SPRY1: variants seen among roughly 807,000 people sequenced by gnomAD.
The protein encoded by SPRY1 is protein sprouty homolog 1.
A neutral mutation model predicts 22.6 loss-of-function variants in SPRY1; 20 were observed. That is an observed-to-expected ratio of 0.89 (90% CI 0.62 to 1.29). SPRY1 has a LOEUF of 1.29. Among genes scored for constraint, SPRY1 ranks in the 50% most tolerant of loss-of-function variants. SPRY1 has a pLI of 0.00. For synonymous variants in SPRY1, 155 were observed against 144.7 expected, an observed-to-expected ratio of 1.07 and a Z score of -0.51; for missense variants, 446 against 387.7, an observed-to-expected ratio of 1.15 and a Z score of -1.26.
In SPRY1 at chr4:123,397,688, G is replaced by C. The variant is rs912509552; in HGVS notation, c.-224G>C. ...GGGAGAGGCTGACCTGCCGGGACCG[G>C]AGTGCCCGGGGACGCTGTGCCCCCA... On this transcript the variant is annotated 5_prime_UTR_variant, in exon 2 of 3. Coordinates refer to ENST00000651917, the MANE Select transcript of SPRY1 (RefSeq NM_001258038.2). The C allele has an allele frequency of 2.0e-5, 3 of 152,130 alleles. No individual in the cohort carries two copies. The highest frequency in any genetic ancestry group is 4.4e-5 in the Non-Finnish European group (3 of 68,066). 9.4% of individuals were successfully genotyped at this position (152,130 alleles called of 1,614,324 possible). A position where few individuals can be genotyped will look rare whatever the true frequency, so the allele number is the denominator to read the frequency against.
Position 123,402,147 on chromosome 4 carries a change from A to T in SPRY1, c.556A>T (p.Lys186Ter). 1 of 1,614,182 alleles carries T rather than the reference A, an allele frequency of 6.2e-7. No individual in the cohort carries two copies. The highest frequency in any genetic ancestry group is 8.5e-7 in the Non-Finnish European group (1 of 1,180,028). ...QHKFICEQCG[K>*]CKCGECTAPR... ...CAAGTTCATTTGTGAACAGTGTGGG[A>T]AGTGCAAGTGTGGAGAATGCACTGC... The change falls in exon 3 of 3, where the codon AAG (lysine) becomes TAG (stop). Residue 186 changes from lysine to a stop codon, truncating the protein, a stop_gained. Coordinates refer to ENST00000651917, the MANE Select transcript of SPRY1 (RefSeq NM_001258038.2). LOFTEE classifies it high-confidence loss of function.
At position 123,401,936 on chromosome 4, in the gene SPRY1, C is replaced by T. The variant is rs781606312; in HGVS notation, c.345C>T (p.Thr115=). 3 of 1,614,036 alleles carry T rather than the reference C, an allele frequency of 1.9e-6. No homozygotes were observed. Among genetic ancestry groups the T allele is most frequent in the East Asian group, 2.2e-5 (1 of 44,900 alleles). Residue 115 remains threonine (T), a synonymous_variant, in exon 3 of 3, where the codon ACC becomes ACT. Coordinates refer to ENST00000651917, the MANE Select transcript of SPRY1 (RefSeq NM_001258038.2). ...GGGGCCCCATTTTGAGCAGATCAAC[C>T]AGCACTGGAAGTGCAGCCAGCTCTG... ...NARGPILSRS[T]STGSAASSGS...
intron 2 of SPRY1, among the ~76,000 whole-genome samples, chr4:123,398,735 G>A (rs1246376088): frequency 6.6e-6 from 1 of 152,140 alleles, no homozygotes; most frequent in Non-Finnish European, 1.5e-5. Context: ...TGGCGGGGTG[G>A]GCGACGGTCT....
intron 2 of SPRY1, among the ~76,000 whole-genome samples, chr4:123,399,081 A>G (rs1049607582): frequency 6.6e-6 from 1 of 151,890 alleles, no homozygotes; most frequent in Non-Finnish European, 1.5e-5. Flanking sequence ...TGCCACTTTA[A>G]AAGTGGGGAA....
intron 2 of SPRY1, chr4:123,400,488 AAGC>A (rs1725102042): frequency 6.6e-6 from 1 of 152,232 alleles, no homozygotes; most frequent in Admixed American, 6.5e-5. Context: ...TCACCACTGA[AAGC>A]AGAAACTTTC....
At chr4:123,398,090 T>C (rs1264199064) in intron 2 of SPRY1, 2 of 152,286 alleles carry the variant, frequency 1.3e-5, no homozygotes, top group Non-Finnish European at 2.9e-5. Flanking sequence ...CCGAGTTCTC[T>C]GAGCACACCG....
In SPRY1 at chr4:123,397,850, G is replaced by C. The variant is rs969903796; in HGVS notation, c.-62G>C. On this transcript the variant is annotated 5_prime_UTR_variant, in exon 2 of 3. Transcript: ENST00000651917. ...TCCCCGCTAAAAAAAAAAAAAAAAA[G>C]AAAAGGGTAAAAAAATCCCCCTCCC... 7.3e-6 allele frequency: 1 copy of C among 136,936 alleles called. No homozygotes were observed. The highest frequency in any genetic ancestry group is 1.6e-5 in the Non-Finnish European group (1 of 62,880). The allele number at this position is 136,936 out of a possible 1,614,324, so 8.5% of individuals were successfully genotyped here. A position where few individuals can be genotyped will look rare whatever the true frequency, so the allele number is the denominator to read the frequency against.
chr4:123,399,418 A>G (rs1237325813), intron 2 of SPRY1: 1 of 151,928 alleles, frequency 6.6e-6, no homozygotes, highest in Non-Finnish European at 1.5e-5. Context: ...AGCTCATGGT[A>G]ACCTCAGCCT....
intron 1 of SPRY1, 130 bp downstream of exon 1, chr4:123,397,062 A>T (rs2126194060): frequency 6.6e-6 from 1 of 152,350 alleles, no homozygotes; most frequent in Non-Finnish European, 1.5e-5. Flanking sequence ...ATTTCAAAAC[A>T]CCGGTAGCAT....
intron 2 of SPRY1, among the ~76,000 whole-genome samples, chr4:123,400,916 G>C (rs1725120558): frequency 6.6e-6 from 1 of 152,022 alleles, no homozygotes; most frequent in African/African-American, 2.4e-5. Flanking sequence ...TTGTGTACCT[G>C]ATACATTTAT....
At chr4:123,401,489 C>A in intron 2 of SPRY1, 48 bp from the exon 3 acceptor site, 1 of 1,385,146 alleles carries the variant, frequency 7.2e-7, no homozygotes, top group Non-Finnish European at 9.6e-7. Context: ...AAAAAAAATG[C>A]TTCCTGTCAT....
chr4:123,401,529 C>T lies in SPRY1; in HGVS notation c.-55-8C>T, dbSNP rs1037204836. The T allele has an allele frequency of 3.3e-5, 50 of 1,497,638 alleles. No individual in the cohort carries two copies. Among genetic ancestry groups the T allele is most frequent in the South Asian group, 1.9e-4 (14 of 71,906 alleles). 92.8% of individuals were successfully genotyped at this position (1,497,638 alleles called of 1,614,324 possible). On this transcript the variant is annotated splice_polypyrimidine_tract_variant and splice_region_variant and intron_variant, in intron 2 of 2. Transcript: ENST00000651917. ...TTTCTGTTTTTTTCATCTTTGATTT[C>T]GTTTTAGGATTTCAGATGCATGCCA...
chr4:123,399,016 G>C lies in SPRY1; in HGVS notation c.-56+1160G>C, dbSNP rs536241360. On this transcript the variant is annotated intron_variant, in intron 2 of 2. Transcript: ENST00000651917. ...GAATTAGGCAGCCCCAAAGCCAGCC[G>C]CAACTTTCTTCTGGTTTGGAGCACA... Among the ~76,000 whole-genome samples, 12 of 152,246 alleles carry C rather than the reference G, an allele frequency of 7.9e-5. No homozygotes were observed. The East Asian group carries it at 9.7e-4, about 12-fold the overall frequency.
chr4:123,402,665 T>C lies in SPRY1; in HGVS notation c.*114T>C, dbSNP rs1327750048. The C allele has an allele frequency of 5.9e-6, 8 of 1,349,440 alleles. No homozygotes were observed. Among genetic ancestry groups the C allele is most frequent in the African/African-American group, 1.5e-5 (1 of 68,446 alleles). The allele number at this position is 1,349,440 out of a possible 1,614,324, so 83.6% of individuals were successfully genotyped here. A position where few individuals can be genotyped will look rare whatever the true frequency, so the allele number is the denominator to read the frequency against. ...ATTTTTCCCTGTTTCCCACCTTCTC[T>C]TCCCCTGTTGCCAAGGTCTAACTCA... On this transcript the variant is annotated 3_prime_UTR_variant, in exon 3 of 3. Coordinates refer to ENST00000651917, the MANE Select transcript of SPRY1 (RefSeq NM_001258038.2).
chr4:123,402,371 G>A lies in SPRY1; in HGVS notation c.780G>A (p.Met260Ile). The A allele has an allele frequency of 6.2e-7, 1 of 1,614,168 alleles. No individual in the cohort carries two copies. Among genetic ancestry groups the A allele is most frequent in the South Asian group, 1.1e-5 (1 of 91,084 alleles). The change falls in exon 3 of 3, where the codon ATG becomes ATA. Residue 260 changes from methionine to isoleucine, a missense_variant. Coordinates refer to ENST00000651917, the MANE Select transcript of SPRY1 (RefSeq NM_001258038.2). ...ACTGCTGCTCTAGATACCTGTGTATGGGAGCCATGTCTTTATTTTTACCTT... is the reference window on the plus strand; with the variant it reads ...ACTGCTGCTCTAGATACCTGTGTATAGGAGCCATGTCTTTATTTTTACCTT... ...QSHCCSRYLC[M>I]GAMSLFLPCL...
Position 123,402,526 on chromosome 4 carries a change from C to T in SPRY1, c.935C>T (p.Ser312Phe), listed in dbSNP as rs1211718459. 1 of 1,613,528 alleles carries T rather than the reference C, an allele frequency of 6.2e-7. No individual in the cohort carries two copies. Among genetic ancestry groups the T allele is most frequent in the Non-Finnish European group, 8.5e-7 (1 of 1,179,546 alleles). The change falls in exon 3 of 3, where the codon TCC (serine) becomes TTC (phenylalanine). Residue 312 changes from serine to phenylalanine, a missense_variant. Physicochemically the swap from Ser to Phe is radical, Grantham distance 155 (BLOSUM62 -2). Transcript: ENST00000651917. ...TVYCKLESCP[S>F]RGQGKPS ...TATTGTAAGCTGGAGAGCTGCCCCTCCCGGGGTCAGGGTAAACCATCATGA... is the reference window on the plus strand; with the variant it reads ...TATTGTAAGCTGGAGAGCTGCCCCTTCCGGGGTCAGGGTAAACCATCATGA...
At position 123,402,110 on chromosome 4, in the gene SPRY1, C is replaced by T; in HGVS notation, c.519C>T (p.Asp173=). 6.2e-7 allele frequency: 1 copy of T among 1,614,188 alleles called. No homozygotes were observed. The highest frequency in any genetic ancestry group is 8.5e-7 in the Non-Finnish European group (1 of 1,180,034). ...VDDLKGSLKE[D]LTQHKFICEQ... is the part of the protein sequence containing the mutation. ...ACTTGAAGGGTTCCTTGAAAGAGGACCTGACACAGCACAAGTTCATTTGTG... is the reference window on the plus strand; with the variant it reads ...ACTTGAAGGGTTCCTTGAAAGAGGATCTGACACAGCACAAGTTCATTTGTG... Residue 173 remains aspartate, a synonymous_variant, in exon 3 of 3, where the codon GAC becomes GAT. Coordinates refer to ENST00000651917, the MANE Select transcript of SPRY1 (RefSeq NM_001258038.2).
At chr4:123,398,783 C>T (rs1725023664) in intron 2 of SPRY1, among the ~76,000 whole-genome samples, 2 of 152,148 alleles carry the variant, frequency 1.3e-5, no homozygotes, top group South Asian at 4.1e-4. Context: ...TCTCCTCCAT[C>T]CCCGATTACC....
chr4:123,399,447 CAGAG>C (rs895140307), intron 2 of SPRY1: 3 of 152,368 alleles, frequency 2.0e-5, no homozygotes, highest in African/African-American at 7.2e-5. Flanking sequence ...CCTCCTACCA[CAGAG>C]AGAGGGAGAA....
Sources: gnomAD v4.1 joint callset for allele counts (sites outside exome capture counted in the v4.1 genomes callset) on GRCh38, gnomAD v4.1.1 for gene constraint, MANE v1.5 for transcripts, NCBI Gene and HGNC (gene_info 2026-07-23, HGNC 2026-07-21) for gene names.